The following DHRS3 variants were observed in gnomAD, a reference collection of about 807,000 sequenced individuals.
DHRS3 encodes the protein short-chain dehydrogenase/reductase 3.
Under a neutral mutation model 27.2 loss-of-function variants are expected in DHRS3, and 14 were observed. The observed-to-expected ratio is 0.52, with a 90% CI of 0.34 to 0.81. DHRS3 has a LOEUF of 0.81. Among genes scored for constraint, DHRS3 ranks in the 30% least tolerant of loss-of-function variants. The probability of loss-of-function intolerance (pLI) is 0.01; values close to 1 mark genes in which losing one functional copy is unlikely to be tolerated. For synonymous variants in DHRS3, 165 were observed against 175.9 expected (o/e 0.94, Z 0.49); for missense variants, 322 against 406.2 (o/e 0.79, Z 1.78).
At chr1:12,589,535 T>G (rs978553713) in intron 1 of DHRS3, among the ~76,000 whole-genome samples, 1 of 151,952 alleles carries the variant, frequency 6.6e-6, no homozygotes, top group African/African-American at 2.4e-5. Flanking sequence ...ATCACAGGTG[T>G]GCACCACCAC....
At chr1:12,596,379 G>T in intron 1 of DHRS3, 1 of 152,440 alleles carries the variant, frequency 6.6e-6, no homozygotes, top group Admixed American at 6.5e-5. Flanking sequence ...AGAGATTGGG[G>T]AGGTGCCTGC....
chr1:12,614,996 CA>C (rs1646935058), intron 1 of DHRS3, among the ~76,000 whole-genome samples: 1 of 152,152 alleles, frequency 6.6e-6, no homozygotes, highest in Admixed American at 6.5e-5. Context: ...ATAATTTCCC[CA>C]CTCCCTCGAC....
At chr1:12,606,021 C>T (rs193119464) in intron 1 of DHRS3, among the ~76,000 whole-genome samples, 10 of 151,688 alleles carry the variant, frequency 6.6e-5, no homozygotes, top group Admixed American at 6.6e-4. Context: ...GCCTGTAGTC[C>T]CAGCTACTTG....
intron 5 of DHRS3, among the ~76,000 whole-genome samples, chr1:12,570,847 G>A (rs191253461): frequency 5.4e-4 from 83 of 152,328 alleles, no homozygotes; most frequent in South Asian, 2.1e-4. Flanking sequence ...GATGCCCCTG[G>A]GTGCCCCCTT....
Position 12,574,224 on chromosome 1 carries a change from G to A in DHRS3, c.699-1371C>T, listed in dbSNP as rs542041357. ...CTCACTTTGTTACCCAGGCTGGAGT[G>A]CAGTGACGTGATCACAGCTCACTGC... On this transcript the variant is annotated intron_variant, in intron 4 of 5. Coordinates refer to ENST00000616661, the MANE Select transcript of DHRS3 (RefSeq NM_004753.7). This position sits in a 1 kb window ranked among gnomAD's most constrained non-coding sequence, Gnocchi z 4.6. Among the ~76,000 whole-genome samples the A allele has an allele frequency of 3.3e-5, 5 of 152,284 alleles. No homozygotes were observed. Among genetic ancestry groups the A allele is most frequent in the East Asian group, 3.9e-4 (2 of 5,184 alleles).
intron 1 of DHRS3, among the ~76,000 whole-genome samples, chr1:12,585,124 TGA>T (rs764259918): frequency 2.6e-5 from 4 of 151,674 alleles, no homozygotes; most frequent in Admixed American, 6.6e-5. Flanking sequence ...TGTCTCTGTG[TGA>T]GAGAGAGTGT....
At position 12,617,372 on chromosome 1, in the gene DHRS3, G is replaced by T. The variant is rs200633572; in HGVS notation, c.-24C>A. 4.4e-6 allele frequency: 7 copies of T among 1,591,866 alleles called. No individual in the cohort carries two copies. In the Admixed American group the frequency reaches 5.1e-5, roughly 12 times the overall value. ...ATCCTCCGCGCCGCGGAGCCGGGCA[G>T]GGGGCGAAACTCCCCGGGCCGAGCA... On this transcript the variant is annotated 5_prime_UTR_variant, in exon 1 of 6. The change creates a new upstream start codon in the 5' untranslated region. Coordinates refer to ENST00000616661, the MANE Select transcript of DHRS3 (RefSeq NM_004753.7).
At chr1:12,614,768 CTAGGCTGGGAAGCTCTCAGATGCAG>C (rs1646933779) in intron 1 of DHRS3, among the ~76,000 whole-genome samples, 12 of 138,262 alleles carry the variant, frequency 8.7e-5, no homozygotes, top group Admixed American at 1.5e-4. Flanking sequence ...CCACCAGAAT[CTAGGCTGGGAAGCTCTCAGATGCAG>C]CCACCAGAAT....
intron 4 of DHRS3, among the ~76,000 whole-genome samples, chr1:12,575,753 C>A (rs1234374356): frequency 2.0e-5 from 3 of 152,190 alleles, no homozygotes; most frequent in African/African-American, 7.2e-5. Context: ...GTTGCCCAGG[C>A]TGGAGTGCAA....
intron 5 of DHRS3, among the ~76,000 whole-genome samples, chr1:12,568,902 G>C (rs566814362): frequency 2.0e-4 from 31 of 152,238 alleles, no homozygotes; most frequent in African/African-American, 7.2e-4. Flanking sequence ...ATTCCAGCCT[G>C]GGTGGCAGAG....
intron 5 of DHRS3, among the ~76,000 whole-genome samples, chr1:12,572,435 G>A (rs949963571): frequency 6.6e-6 from 1 of 152,180 alleles, no homozygotes; most frequent in African/African-American, 2.4e-5. Context: ...CTCCCAAAGT[G>A]CTAGGATTAC....
At chr1:12,580,000 T>G in intron 2 of DHRS3, 1 of 192,188 alleles carries the variant, frequency 5.2e-6, no homozygotes, top group South Asian at 1.0e-4. Context: ...GAACTGCGTC[T>G]CTGAGCGCCA....
intron 1 of DHRS3, among the ~76,000 whole-genome samples, chr1:12,615,083 AT>A (rs1646935731): frequency 1.3e-5 from 2 of 152,066 alleles, no homozygotes; most frequent in African/African-American, 4.8e-5. Flanking sequence ...AAGTCCTCTC[AT>A]TGGTGTTAGG....
Position 12,578,326 on chromosome 1 carries a change from T to C in DHRS3, c.698+392A>G, listed in dbSNP as rs1646609258. On this transcript the variant is annotated intron_variant, in intron 4 of 5. Coordinates refer to ENST00000616661, the MANE Select transcript of DHRS3 (RefSeq NM_004753.7). This position sits in a 1 kb window ranked among gnomAD's most constrained non-coding sequence, Gnocchi z 4.5. ...AGAGGCTCCTTGGTGACTTTTTGTT[T>C]TGAGACAGGGTCTCACTCTCTCTCC... 6.6e-6 allele frequency among the ~76,000 whole-genome samples: 1 copy of C among 152,162 alleles called. No individual in the cohort carries two copies. The highest frequency in any genetic ancestry group is 2.1e-4 in the South Asian group (1 of 4,814).
At position 12,616,500 on chromosome 1, in the gene DHRS3, T is replaced by TG. The variant is rs982764343; in HGVS notation, c.195+653dup. On this transcript the variant is annotated intron_variant, in intron 1 of 5. Coordinates refer to ENST00000616661, the MANE Select transcript of DHRS3 (RefSeq NM_004753.7). Reference sequence around the variant, plus strand: ...GGGGAGGGATCCCTGGGGGGTGTACTGGGGGGGAGGGGACAGGGTTGAAGG... The same window carrying TG: ...GGGGAGGGATCCCTGGGGGGTGTACTGGGGGGGGAGGGGACAGGGTTGAAGG... 1.2e-5 allele frequency: 11 copies of TG among 942,288 alleles called. No individual in the cohort carries two copies. In the Admixed American group the frequency reaches 1.9e-4, roughly 16 times the overall value. The allele number at this position is 942,288 out of a possible 1,614,324, so 58.4% of individuals were successfully genotyped here.
intron 1 of DHRS3, among the ~76,000 whole-genome samples, chr1:12,588,679 C>T (rs1346534694): frequency 2.0e-5 from 3 of 152,210 alleles, no homozygotes; most frequent in South Asian, 2.1e-4. Context: ...AGGAGGATAC[C>T]GAGTGCCCCT....
chr1:12,610,623 T>C (rs1646902938), intron 1 of DHRS3, among the ~76,000 whole-genome samples: 1 of 152,186 alleles, frequency 6.6e-6, no homozygotes, highest in Non-Finnish European at 1.5e-5. Flanking sequence ...AATCTAGGCA[T>C]GTGCTCATTT....
At chr1:12,575,837 G>T (rs1004805536) in intron 4 of DHRS3, among the ~76,000 whole-genome samples, 4 of 152,092 alleles carry the variant, frequency 2.6e-5, no homozygotes, top group Non-Finnish European at 5.9e-5. Context: ...CTCCTGAGTA[G>T]CTGGGATTAC....
At position 12,604,772 on chromosome 1, in the gene DHRS3, C is replaced by T. The variant is rs189992483; in HGVS notation, c.195+12382G>A. 6.4e-4 allele frequency among the ~76,000 whole-genome samples: 98 copies of T among 152,320 alleles called. 1 individual carries two copies. The South Asian group carries it at 8.9e-3, about 14-fold the overall frequency. ...GATCTCAGAAATGCGTGCTGCTGGC[C>T]GGGTGCGGTGGCTCACGCCTGTAAT... On this transcript the variant is annotated intron_variant, in intron 1 of 5. Coordinates refer to ENST00000616661, the MANE Select transcript of DHRS3 (RefSeq NM_004753.7).
Sources: gnomAD v4.1 joint callset for allele counts (sites outside exome capture counted in the v4.1 genomes callset) on GRCh38, gnomAD v4.1.1 for gene constraint, Gnocchi (gnomAD v3.1) non-coding constraint, MANE v1.5 for transcripts, NCBI Gene and HGNC (gene_info 2026-07-23, HGNC 2026-07-21) for gene names.